Variants in SEZ6L observed in about 807,000 individuals in gnomAD.
SEZ6L encodes the protein seizure related 6 homolog like.
SEZ6L carries 37 observed loss-of-function variants against 106.2 expected under a neutral mutation model. That is an observed-to-expected ratio of 0.35 (90% CI 0.27 to 0.46). The LOEUF (loss-of-function observed/expected upper bound fraction) is 0.46, where lower values mean the gene tolerates loss of function less well. Ranked by LOEUF, SEZ6L falls within the 20% of genes least tolerant of loss-of-function variation. The pLI, the probability that SEZ6L is intolerant of heterozygous loss-of-function variation, is 1.00. For synonymous variants in SEZ6L, 541 were observed against 570.4 expected (o/e 0.95, Z 0.73); for missense variants, 1,172 against 1,332.8 (o/e 0.88, Z 1.88).
chr22:26,377,641 GA>G, intron 15 of SEZ6L, 31 bp from the exon 16 acceptor site: 1 of 1,533,610 alleles, frequency 6.5e-7, no homozygotes, highest in Non-Finnish European at 9.0e-7. Context: ...TAGCTGGGGA[GA>G]AGTAACTTCT....
chr22:26,320,399 C>T (rs7284715), intron 9 of SEZ6L, among the ~76,000 whole-genome samples: 1,769 of 152,314 alleles, frequency 0.012, 24 homozygotes, highest in African/African-American at 0.04. Flanking sequence ...GCAGCTGTCA[C>T]GACTTGCGTT....
chr22:26,181,419 G>A (rs1335403942), intron 1 of SEZ6L, among the ~76,000 whole-genome samples: 3 of 152,270 alleles, frequency 2.0e-5, no homozygotes, highest in East Asian at 3.9e-4. Flanking sequence ...TAAAATATGT[G>A]GAATCAAGCC....
At chr22:26,247,512 T>C (rs2079401887) in intron 1 of SEZ6L, among the ~76,000 whole-genome samples, 1 of 152,032 alleles carries the variant, frequency 6.6e-6, no homozygotes, top group South Asian at 2.1e-4. Context: ...CAGAGAAGAA[T>C]GCCATGTGAT....
chr22:26,262,694 G>T (rs2080053989), intron 1 of SEZ6L, among the ~76,000 whole-genome samples: 2 of 152,176 alleles, frequency 1.3e-5, no homozygotes, highest in African/African-American at 4.8e-5. Flanking sequence ...TGAAATCCAG[G>T]TAAGAAAGAC....
At chr22:26,314,129 C>T (rs2081932450) in intron 9 of SEZ6L, among the ~76,000 whole-genome samples, 2 of 150,500 alleles carry the variant, frequency 1.3e-5, no homozygotes, top group African/African-American at 2.5e-5. Context: ...AGAGAGAGTC[C>T]CTATCTTTGG....
intron 16 of SEZ6L, 100 bp from the exon 17 acceptor site, chr22:26,380,166 C>G (rs1210960497): frequency 8.6e-7 from 1 of 1,156,458 alleles, no homozygotes; most frequent in Non-Finnish European, 1.3e-6. Flanking sequence ...AAGTCACGAC[C>G]AAGGGCATGG....
intron 1 of SEZ6L, among the ~76,000 whole-genome samples, chr22:26,209,991 G>GAGGAAGGAAGGGAGGA (rs1569382195): frequency 7.6e-6 from 1 of 131,386 alleles, no homozygotes; most frequent in African/African-American, 2.8e-5. Context: ...GGAAGGAAGG[G>GAGGAAGGAAGGGAGGA]AGGAAGGAAG....
intron 1 of SEZ6L, among the ~76,000 whole-genome samples, chr22:26,185,624 C>T (rs769331902): frequency 3.2e-4 from 49 of 152,230 alleles, no homozygotes; most frequent in Admixed American, 1.6e-3. Flanking sequence ...CTGGATGATT[C>T]GACCCCCAAG....
At chr22:26,331,482 A>G (rs945234978) in intron 9 of SEZ6L, among the ~76,000 whole-genome samples, 1 of 152,212 alleles carries the variant, frequency 6.6e-6, no homozygotes, top group African/African-American at 2.4e-5. Flanking sequence ...TATCTTACAT[A>G]TCCTTCCCCA....
chr22:26,304,369 G>GAAGAAAGAAAGAAAGAAGA (rs2081553961), intron 5 of SEZ6L, among the ~76,000 whole-genome samples: 2 of 98,304 alleles, frequency 2.0e-5, no homozygotes, highest in Non-Finnish European at 3.9e-5. Flanking sequence ...AAAAAAGAAA[G>GAAGAAAGAAAGAAAGAAGA]AAGAAAGAAA....
intron 5 of SEZ6L, among the ~76,000 whole-genome samples, chr22:26,300,245 C>G (rs369110872): frequency 5.9e-5 from 9 of 152,102 alleles, no homozygotes; most frequent in African/African-American, 2.2e-4. Context: ...TGTTGGTGTG[C>G]TGCACCCATT....
At chr22:26,239,721 G>A (rs150868954) in intron 1 of SEZ6L, among the ~76,000 whole-genome samples, 1 of 152,270 alleles carries the variant, frequency 6.6e-6, no homozygotes, top group Non-Finnish European at 1.5e-5. Context: ...GCATGGAACA[G>A]CTGTGGTTTT....
intron 1 of SEZ6L, among the ~76,000 whole-genome samples, chr22:26,284,140 CA>C (rs1423182391): frequency 6.6e-6 from 1 of 152,192 alleles, no homozygotes; most frequent in East Asian, 1.9e-4. Context: ...CAGATGAGAA[CA>C]GTGAGCCCCA....
Position 26,348,644 on chromosome 22 carries a change from G to A in SEZ6L, c.2407+731G>A, listed in dbSNP as rs868115427. ...AGAAAGAAAGAAAGAAAGAAAGAAA[G>A]AAAAAGAAAGAAAGAAAGAAAGAAA... On this transcript the variant is annotated intron_variant, in intron 11 of 16. Coordinates refer to ENST00000248933, the MANE Select transcript of SEZ6L (RefSeq NM_021115.5). Among the ~76,000 whole-genome samples the A allele has an allele frequency of 7.2e-3, 87 of 12,038 alleles. 1 individual carries two copies. The highest frequency in any genetic ancestry group is 0.014 in the African/African-American group (26 of 1,828). The allele number at this position is 12,038 out of a possible 152,430, so 7.9% of individuals were successfully genotyped here.
chr22:26,234,250 T>C (rs2078889007), intron 1 of SEZ6L, among the ~76,000 whole-genome samples: 1 of 152,138 alleles, frequency 6.6e-6, no homozygotes, highest in Admixed American at 6.5e-5. Flanking sequence ...AAAGACAGAT[T>C]GGCCCGAATT....
chr22:26,340,970 G>T (rs191559043), intron 10 of SEZ6L, among the ~76,000 whole-genome samples: 1 of 152,120 alleles, frequency 6.6e-6, no homozygotes, highest in Non-Finnish European at 1.5e-5. Context: ...TTTCATGTGT[G>T]GTCAGCTGAG....
intron 1 of SEZ6L, among the ~76,000 whole-genome samples, chr22:26,245,971 C>G (rs907975214): frequency 3.3e-5 from 5 of 152,330 alleles, no homozygotes; most frequent in African/African-American, 1.2e-4. Context: ...GAACGTGAAA[C>G]TCTATGCCAA....
At chr22:26,343,979 G>A (rs1371108060) in intron 10 of SEZ6L, among the ~76,000 whole-genome samples, 1 of 152,198 alleles carries the variant, frequency 6.6e-6, no homozygotes, top group Non-Finnish European at 1.5e-5. Flanking sequence ...AGTGATGCCT[G>A]CCATGGGCAT....
At chr22:26,363,440 G>A (rs777528292) in intron 12 of SEZ6L, among the ~76,000 whole-genome samples, 2 of 152,170 alleles carry the variant, frequency 1.3e-5, no homozygotes, top group Non-Finnish European at 2.9e-5. Context: ...AACATTATCT[G>A]AGTAAATAAA....
Sources: gnomAD v4.1 joint callset for allele counts (sites outside exome capture counted in the v4.1 genomes callset) on GRCh38, gnomAD v4.1.1 for gene constraint, MANE v1.5 for transcripts, NCBI Gene and HGNC (gene_info 2026-07-23, HGNC 2026-07-21) for gene names.